The following ANK3 variants were observed in gnomAD, a reference collection of about 807,000 sequenced individuals.
ANK3 encodes the protein ankyrin-3.
Under a neutral mutation model 370.9 loss-of-function variants are expected in ANK3, and 57 were observed. That is an observed-to-expected ratio of 0.15 (90% CI 0.12 to 0.19). The LOEUF is 0.19. ANK3 is among the 10% of genes least tolerant of loss of function. The pLI is 1.00. For synonymous variants in ANK3, 1,929 were observed against 1,946.3 expected, an observed-to-expected ratio of 0.99 and a Z score of 0.23; for missense variants, 4,439 against 5,302.1, an observed-to-expected ratio of 0.84 and a Z score of 5.06.
At position 60,108,898 on chromosome 10, in the gene ANK3, G is replaced by T. The variant is rs55680239; in HGVS notation, c.3105C>A (p.Pro1035=). ...VKRHKLANPP[P]MVEGEGLASR... is the part of the protein sequence containing the mutation. ...TGGCTAATCCCTCTCCTTCCACCAT[G>T]GGGGGTGGGTTGGCCAGTTTATGTC... Residue 1035 remains proline, a synonymous_variant, in exon 27 of 44, where the codon CCC becomes CCA. Transcript: ENST00000280772. 6.2e-6 allele frequency: 10 copies of T among 1,614,038 alleles called. No individual in the cohort carries two copies. Among genetic ancestry groups the T allele is most frequent in the Non-Finnish European group, 8.5e-6 (10 of 1,179,944 alleles).
intron 25 of ANK3, among the ~76,000 whole-genome samples, chr10:60,117,662 C>T (rs1261793442): frequency 6.6e-6 from 1 of 151,854 alleles, no homozygotes; most frequent in African/African-American, 2.4e-5. Flanking sequence ...ACTAAAAATA[C>T]AAAAAATTAG....
chr10:60,268,823 A>G (rs1442681061), intron 5 of ANK3, among the ~76,000 whole-genome samples: 1 of 152,118 alleles, frequency 6.6e-6, no homozygotes, highest in Non-Finnish European at 1.5e-5. Context: ...TTTTGTTTTT[A>G]GTCTCATGGG....
chr10:60,511,361 G>A (rs761852726), intron 2 of ANK3, among the ~76,000 whole-genome samples: 6 of 152,068 alleles, frequency 3.9e-5, no homozygotes, highest in Non-Finnish European at 7.4e-5. Context: ...AAATGAATGC[G>A]ACTACAAAAC....
intron 1 of ANK3, among the ~76,000 whole-genome samples, chr10:60,710,979 G>T (rs1371818693): frequency 6.6e-6 from 1 of 152,176 alleles, no homozygotes; most frequent in African/African-American, 2.4e-5. Flanking sequence ...AATGGGGAGG[G>T]CCAGCTACTT....
chr10:60,080,506 C>T (rs373893330), intron 36 of ANK3, 31 bp downstream of exon 36: 92 of 1,580,206 alleles, frequency 5.8e-5, no homozygotes, highest in Non-Finnish European at 7.1e-5. Flanking sequence ...TGAAAATCCA[C>T]GTAGATTAGT....
intron 28 of ANK3, among the ~76,000 whole-genome samples, chr10:60,101,552 T>C (rs1436711574): frequency 4.6e-5 from 7 of 152,192 alleles, no homozygotes; most frequent in South Asian, 2.1e-4. Context: ...AAAACAAAAA[T>C]TGACAAAGAC....
chr10:60,724,362 CTATTA>C, intron 1 of ANK3, among the ~76,000 whole-genome samples: 1 of 151,914 alleles, frequency 6.6e-6, no homozygotes, highest in East Asian at 1.9e-4. Flanking sequence ...AAAAGGTGAT[CTATTA>C]TACTTCAAAG....
At chr10:60,512,984 G>A (rs773673487) in intron 2 of ANK3, among the ~76,000 whole-genome samples, 20 of 152,102 alleles carry the variant, frequency 1.3e-4, no homozygotes, top group Non-Finnish European at 2.8e-4. Context: ...CTTAGGAACT[G>A]CTGAATCATG....
In ANK3 at chr10:60,071,392, C is replaced by T. The variant is rs761545221; in HGVS notation, c.9489G>A (p.Gly3163=). 44 of 1,613,982 alleles carry T rather than the reference C, an allele frequency of 2.7e-5. No homozygotes were observed. The highest frequency in any genetic ancestry group is 3.7e-5 in the Non-Finnish European group (44 of 1,180,006). ...GTGTTTCTGGGGTTAAAGGGCTTTT[C>T]CCAGAGCTGTCTAGAAAGGATACTT... The part of the protein sequence containing the change: ...LEQVSFLDSS[G]KSPLTPETPS... The change falls in exon 37 of 44, where the codon GGG becomes GGA. Residue 3163 remains glycine (G), a synonymous_variant. Transcript: ENST00000280772.
intron 1 of ANK3, among the ~76,000 whole-genome samples, chr10:60,325,163 A>G (rs2049530118): frequency 1.3e-5 from 2 of 152,230 alleles, no homozygotes; most frequent in African/African-American, 4.8e-5. Flanking sequence ...CTTCAGCTGT[A>G]CCAGTGGAAC....
intron 39 of ANK3, among the ~76,000 whole-genome samples, chr10:60,063,794 T>C: frequency 6.6e-6 from 1 of 152,214 alleles, no homozygotes; most frequent in Non-Finnish European, 1.5e-5. Context: ...CTTCCCTCTC[T>C]GCACATCCAC....
chr10:60,668,764 C>A (rs1054174264), intron 1 of ANK3, among the ~76,000 whole-genome samples: 2 of 152,086 alleles, frequency 1.3e-5, no homozygotes, highest in African/African-American at 4.8e-5. Flanking sequence ...GAGGCTGAGG[C>A]GGGTGGATCA....
intron 1 of ANK3, among the ~76,000 whole-genome samples, chr10:60,341,764 C>G (rs2054335596): frequency 6.6e-6 from 1 of 152,100 alleles, no homozygotes; most frequent in Non-Finnish European, 1.5e-5. Flanking sequence ...ATGCAAAATA[C>G]ACAGTTTAGT....
intron 28 of ANK3, among the ~76,000 whole-genome samples, chr10:60,100,051 C>T (rs7077937): frequency 0.71 from 107,658 of 151,948 alleles, 39,390 homozygotes; most frequent in East Asian, 0.92. Flanking sequence ...CATTAAAAAC[C>T]TGTCCTTATT....
chr10:60,730,695 C>T (rs2080010029), intron 1 of ANK3, among the ~76,000 whole-genome samples: 1 of 152,174 alleles, frequency 6.6e-6, no homozygotes, highest in Admixed American at 6.5e-5. Flanking sequence ...CTGGCATTCA[C>T]ATTTGCAAGA....
At chr10:60,327,844 A>G (rs917030651) in intron 1 of ANK3, among the ~76,000 whole-genome samples, 2 of 152,100 alleles carry the variant, frequency 1.3e-5, no homozygotes, top group African/African-American at 2.4e-5. Context: ...GGCCTAGTAA[A>G]CTGTATTGTT....
At chr10:60,282,921 G>C (rs577280262) in intron 1 of ANK3, among the ~76,000 whole-genome samples, 1 of 152,176 alleles carries the variant, frequency 6.6e-6, no homozygotes, top group African/African-American at 2.4e-5. Context: ...ACATTACAAA[G>C]CCCACAGAAA....
intron 1 of ANK3, among the ~76,000 whole-genome samples, chr10:60,724,296 T>C (rs956845754): frequency 6.6e-6 from 1 of 151,692 alleles, no homozygotes; most frequent in Admixed American, 6.6e-5. Context: ...GGTGGACTTT[T>C]GGCCTCCAGA....
chr10:60,693,218 A>G (rs2079383632), intron 1 of ANK3, among the ~76,000 whole-genome samples: 1 of 152,248 alleles, frequency 6.6e-6, no homozygotes, highest in African/African-American at 2.4e-5. Flanking sequence ...ACAGCTCACC[A>G]GGAGATTATA....
Sources: allele counts gnomAD v4.1 joint callset (sites outside exome capture counted in the v4.1 genomes callset), GRCh38; gene constraint gnomAD v4.1.1; transcripts MANE v1.5; gene names NCBI Gene and HGNC (gene_info 2026-07-23, HGNC 2026-07-21).